OR2L13: variants seen among roughly 807,000 people sequenced by gnomAD.
The protein encoded by OR2L13 is olfactory receptor 2L13.
In OR2L13, 14 loss-of-function variants were observed where a neutral mutation model predicts 15.3. That is an observed-to-expected ratio of 0.91 (90% CI 0.60 to 1.43). The LOEUF is 1.43. OR2L13 is among the 40% of genes most tolerant of loss of function. The pLI is 0.00. For synonymous variants in OR2L13, 152 were observed against 142.9 expected, an observed-to-expected ratio of 1.06 and a Z score of -0.45; for missense variants, 367 against 387.9, an observed-to-expected ratio of 0.95 and a Z score of 0.45.
chr1:248,062,043 T>C, the OR2L13 span: 1 of 161,226 alleles, frequency 6.2e-6, no homozygotes, highest in Non-Finnish European at 1.4e-5. Context: ...GTGTATCTAG[T>C]TGAAAGCTGT....
the OR2L13 span, among the ~76,000 whole-genome samples, chr1:248,016,966 T>C: frequency 6.6e-6 from 1 of 152,164 alleles, no homozygotes; most frequent in South Asian, 2.1e-4. Context: ...TCCTGACATA[T>C]TGCAAGTGCC....
the OR2L13 span, among the ~76,000 whole-genome samples, chr1:247,994,111 G>T: frequency 6.6e-6 from 1 of 152,202 alleles, no homozygotes; most frequent in East Asian, 1.9e-4. Flanking sequence ...AACTGAGAGT[G>T]ATTGGCCGGG....
the OR2L13 span, among the ~76,000 whole-genome samples, chr1:248,064,063 G>T: frequency 2.0e-5 from 3 of 152,238 alleles, no homozygotes; most frequent in Non-Finnish European, 2.9e-5. Flanking sequence ...GTCCTGAGAA[G>T]GATGGGAAGA....
At chr1:247,992,361 G>A in the OR2L13 span, among the ~76,000 whole-genome samples, 1 of 152,082 alleles carries the variant, frequency 6.6e-6, no homozygotes, top group South Asian at 2.1e-4. Flanking sequence ...TGTTATGGGG[G>A]GAGTTTGAAG....
chr1:247,998,463 T>C, the OR2L13 span, among the ~76,000 whole-genome samples: 512 of 152,278 alleles, frequency 3.4e-3, 1 homozygote, highest in Non-Finnish European at 6.0e-3. Context: ...GTTTGATTTA[T>C]TTTGTCCTGA....
chr1:248,045,670 G>A, the OR2L13 span: 26 of 152,308 alleles, frequency 1.7e-4, no homozygotes, highest in Admixed American at 4.6e-4. Context: ...TTTCAAATGC[G>A]GGAATATTGA....
At chr1:248,014,143 T>A in the OR2L13 span, among the ~76,000 whole-genome samples, 1 of 152,148 alleles carries the variant, frequency 6.6e-6, no homozygotes, top group Non-Finnish European at 1.5e-5. Context: ...TGGTGAGTAA[T>A]TAATTATATG....
the OR2L13 span, among the ~76,000 whole-genome samples, chr1:248,064,383 AG>A: frequency 6.6e-6 from 1 of 152,186 alleles, no homozygotes; most frequent in Non-Finnish European, 1.5e-5. Context: ...AAGCCTTCTC[AG>A]GACACTGAAT....
chr1:248,045,018 C>A, the OR2L13 span, among the ~76,000 whole-genome samples: 17 of 152,102 alleles, frequency 1.1e-4, no homozygotes, highest in African/African-American at 3.9e-4. Context: ...CTGCCTCAGT[C>A]TCCCCATAGG....
the OR2L13 span, among the ~76,000 whole-genome samples, chr1:248,021,206 A>G: frequency 6.6e-6 from 1 of 152,176 alleles, no homozygotes; most frequent in Non-Finnish European, 1.5e-5. Flanking sequence ...GATTTTTCCT[A>G]TAAATGTATA....
chr1:248,061,501 G>A, the OR2L13 span: 1 of 1,613,820 alleles, frequency 6.2e-7, no homozygotes, highest in Non-Finnish European at 8.5e-7. Context: ...CAAGGTTCTG[G>A]CTGTCTTCTA....
At chr1:248,089,505 A>T in the OR2L13 span, among the ~76,000 whole-genome samples, 2 of 152,170 alleles carry the variant, frequency 1.3e-5, no homozygotes, top group African/African-American at 2.4e-5. Flanking sequence ...GTGCAGAGAT[A>T]AAGGAAAAGC....
chr1:247,965,108 T>C, the OR2L13 span: 3 of 319,626 alleles, frequency 9.4e-6, no homozygotes, highest in South Asian at 1.8e-4. Flanking sequence ...TTAAGTTATC[T>C]CATGTATGTT....
the OR2L13 span, among the ~76,000 whole-genome samples, chr1:248,072,715 T>C: frequency 1.3e-5 from 2 of 151,970 alleles, no homozygotes; most frequent in African/African-American, 2.4e-5. Context: ...ATAAAATTTT[T>C]GCAACCTACA....
the OR2L13 span, among the ~76,000 whole-genome samples, chr1:247,992,511 A>G: frequency 6.6e-6 from 1 of 152,146 alleles, no homozygotes; most frequent in East Asian, 1.9e-4. Context: ...TACCCAATCA[A>G]TAGTTTTTAA....
At chr1:248,071,270 T>C in the OR2L13 span, among the ~76,000 whole-genome samples, 1 of 152,074 alleles carries the variant, frequency 6.6e-6, no homozygotes. Flanking sequence ...TCAAAAAGCT[T>C]ATCCACCATG....
chr1:247,969,093 C>G, the OR2L13 span, among the ~76,000 whole-genome samples: 1 of 152,172 alleles, frequency 6.6e-6, no homozygotes, highest in Non-Finnish European at 1.5e-5. Context: ...CTCTGATGAC[C>G]AGTGATGATG....
the OR2L13 span, among the ~76,000 whole-genome samples, chr1:248,089,640 T>C: frequency 3.3e-5 from 5 of 152,296 alleles, no homozygotes; most frequent in East Asian, 9.7e-4. Flanking sequence ...ACAGGGTACT[T>C]AGTTCCTTTA....
intron 1 of OR2L13, among the ~76,000 whole-genome samples, chr1:248,097,833 G>T (rs1319834179): frequency 6.6e-6 from 1 of 152,198 alleles, no homozygotes; most frequent in Non-Finnish European, 1.5e-5. Flanking sequence ...TCCAGGACAT[G>T]TTGGGCATCC....
Sources: allele counts gnomAD v4.1 joint callset (sites outside exome capture counted in the v4.1 genomes callset), GRCh38; gene constraint gnomAD v4.1.1; transcripts MANE v1.5; gene names NCBI Gene and HGNC (gene_info 2026-07-23, HGNC 2026-07-21).